The following LRP1B variants were observed in gnomAD, a reference collection of about 807,000 sequenced individuals.
The protein encoded by LRP1B is low-density lipoprotein receptor-related protein 1B.
LRP1B carries 217 observed loss-of-function variants against 556.6 expected under a neutral mutation model. That is an observed-to-expected ratio of 0.39 (90% CI 0.35 to 0.44). The LOEUF (loss-of-function observed/expected upper bound fraction) is 0.44. LRP1B is among the 20% of genes least tolerant of loss of function. The pLI is 1.00. For synonymous variants in LRP1B, 2,047 were observed against 1,865.8 expected, an observed-to-expected ratio of 1.10 and a Z score of -2.50; for missense variants, 5,053 against 5,620.8, an observed-to-expected ratio of 0.90 and a Z score of 3.23.
rs983357511 is a variant in LRP1B at position 140,598,637 on chromosome 2, C to A, written c.7188G>T (p.Gln2396His). The A allele has an allele frequency of 6.2e-7, 1 of 1,611,862 alleles. No individual in the cohort carries two copies. Among genetic ancestry groups the A allele is most frequent in the Non-Finnish European group, 8.5e-7 (1 of 1,178,300 alleles). The change falls in exon 43 of 91, where the codon CAG becomes CAT. Residue 2396 changes from glutamine (Q) to histidine (H), a missense_variant. This residue lies in a region of LRP1B where 3,619 missense variants were observed against 3,931.9 expected (regional missense o/e 0.92). Transcript: ENST00000389484. Reference sequence around the variant, plus strand: ...AAATTCCTGATTAACTTACATGTCTCTGGGATCCATCGTATTCACACCTTT... The same window carrying A: ...AAATTCCTGATTAACTTACATGTCTATGGGATCCATCGTATTCACACCTTT... The part of the protein sequence containing the change: ...KIERCEYDGS[Q>H]RHVIVKSGPG...
chr2:141,757,124 T>C (rs1263165467), intron 2 of LRP1B, among the ~76,000 whole-genome samples: 2 of 152,186 alleles, frequency 1.3e-5, no homozygotes, highest in South Asian at 2.1e-4. Flanking sequence ...TTATGTCACA[T>C]AACCTTCATA....
At chr2:140,561,382 G>A (rs1160549333) in intron 43 of LRP1B, among the ~76,000 whole-genome samples, 1 of 152,054 alleles carries the variant, frequency 6.6e-6, no homozygotes, top group Non-Finnish European at 1.5e-5. Flanking sequence ...TACCCTTCTT[G>A]TCCGATCATA....
chr2:141,183,993 G>C (rs1170496097), intron 7 of LRP1B, among the ~76,000 whole-genome samples: 1 of 152,018 alleles, frequency 6.6e-6, no homozygotes, highest in Non-Finnish European at 1.5e-5. Flanking sequence ...AGTATAGTGT[G>C]ATGATTTTAC....
At chr2:141,561,531 G>T (rs1686152433) in intron 2 of LRP1B, among the ~76,000 whole-genome samples, 1 of 151,714 alleles carries the variant, frequency 6.6e-6, no homozygotes, top group Non-Finnish European at 1.5e-5. Flanking sequence ...TTACCTTTCT[G>T]CATTACCAAT....
At chr2:141,192,667 C>T (rs1434524785) in intron 6 of LRP1B, among the ~76,000 whole-genome samples, 3 of 151,632 alleles carry the variant, frequency 2.0e-5, no homozygotes, top group Middle Eastern at 6.8e-3. Flanking sequence ...ATTTTGATTA[C>T]TTAACATTCC....
intron 1 of LRP1B, among the ~76,000 whole-genome samples, chr2:141,892,751 T>C (rs1699328546): frequency 6.6e-6 from 1 of 152,110 alleles, no homozygotes; most frequent in Admixed American, 6.6e-5. Context: ...TGAAGAGTCT[T>C]TCTCTTGACT....
intron 3 of LRP1B, among the ~76,000 whole-genome samples, chr2:141,329,648 A>AAAAAAAAAAACAAAAC: frequency 7.5e-6 from 1 of 132,706 alleles, no homozygotes; most frequent in African/African-American, 3.0e-5. Flanking sequence ...TGTCTCAAAA[A>AAAAAAAAAAACAAAAC]AAAAAAAAAA....
intron 1 of LRP1B, among the ~76,000 whole-genome samples, chr2:142,022,038 A>T (rs140419667): frequency 1.6e-4 from 24 of 152,266 alleles, no homozygotes; most frequent in African/African-American, 5.3e-4. Context: ...CTTAGAACAC[A>T]ACGAGCATGA....
At chr2:141,522,045 G>T (rs958027413) in intron 2 of LRP1B, among the ~76,000 whole-genome samples, 1 of 152,078 alleles carries the variant, frequency 6.6e-6, no homozygotes, top group Non-Finnish European at 1.5e-5. Flanking sequence ...GGAAAACAGG[G>T]CAACAGCATA....
intron 31 of LRP1B, among the ~76,000 whole-genome samples, chr2:140,819,637 T>C (rs1449151442): frequency 6.6e-6 from 1 of 151,866 alleles, no homozygotes; most frequent in Non-Finnish European, 1.5e-5. Context: ...AATAAACACA[T>C]AAAAAGATGT....
intron 2 of LRP1B, among the ~76,000 whole-genome samples, chr2:141,759,265 A>T (rs1694442985): frequency 6.6e-6 from 1 of 152,202 alleles, no homozygotes; most frequent in Non-Finnish European, 1.5e-5. Context: ...GGAAGCTCTA[A>T]ACTCATTTGC....
intron 3 of LRP1B, among the ~76,000 whole-genome samples, chr2:141,408,243 G>A (rs1380687523): frequency 6.7e-6 from 1 of 148,652 alleles, no homozygotes; most frequent in African/African-American, 2.5e-5. Context: ...CCCAGGTTCA[G>A]GCCATTCTCC....
intron 41 of LRP1B, among the ~76,000 whole-genome samples, chr2:140,690,213 T>C (rs1031594068): frequency 1.3e-5 from 2 of 151,898 alleles, no homozygotes; most frequent in African/African-American, 4.8e-5. Context: ...AAATAACCAT[T>C]ATCTTCCATT....
intron 51 of LRP1B, among the ~76,000 whole-genome samples, chr2:140,513,823 A>G (rs1319365959): frequency 6.6e-6 from 1 of 152,070 alleles, no homozygotes; most frequent in African/African-American, 2.4e-5. Context: ...TTCCTAAAAG[A>G]GGATGATAAC....
intron 1 of LRP1B, among the ~76,000 whole-genome samples, chr2:142,038,738 G>A (rs1287310531): frequency 6.6e-6 from 1 of 151,384 alleles, no homozygotes; most frequent in East Asian, 1.9e-4. Context: ...TTTTCTATTA[G>A]GCAAAACCAC....
At chr2:141,949,483 T>C (rs1219078510) in intron 1 of LRP1B, among the ~76,000 whole-genome samples, 1 of 152,124 alleles carries the variant, frequency 6.6e-6, no homozygotes, top group Non-Finnish European at 1.5e-5. Context: ...CTCTGCCTCC[T>C]GGGTTCAAGC....
At chr2:140,867,956 T>G (rs1693002305) in intron 26 of LRP1B, 122 bp from the exon 27 acceptor site, 1 of 1,302,490 alleles carries the variant, frequency 7.7e-7, no homozygotes, top group Non-Finnish European at 1.0e-6. Flanking sequence ...TGGGTCTGTA[T>G]CTGATTTGGG....
intron 1 of LRP1B, among the ~76,000 whole-genome samples, chr2:142,090,124 CCACT>C (rs1286768301): frequency 2.0e-5 from 3 of 151,994 alleles, no homozygotes; most frequent in Admixed American, 6.6e-5. Context: ...ATTTTATCAG[CCACT>C]CACTCATTAA....
At chr2:140,329,652 C>CAAAG (rs1284433974) in intron 79 of LRP1B, among the ~76,000 whole-genome samples, 1 of 151,804 alleles carries the variant, frequency 6.6e-6, no homozygotes, top group East Asian at 1.9e-4. Context: ...ACAGTTGCTA[C>CAAAG]AAAGACAATA....
Sources: allele counts gnomAD v4.1 joint callset (sites outside exome capture counted in the v4.1 genomes callset), GRCh38; gene constraint gnomAD v4.1.1; regional missense constraint gnomAD v4.1.1; transcripts MANE v1.5; gene names NCBI Gene and HGNC (gene_info 2026-07-23, HGNC 2026-07-21).